Variants in CFAP58 observed in about 807,000 individuals in gnomAD.
CFAP58 encodes the protein cilia- and flagella-associated protein 58.
A neutral mutation model predicts 119.5 loss-of-function variants in CFAP58; 88 were observed. The ratio of observed to expected loss-of-function variants is 0.74; its 90% CI spans 0.62 to 0.88. CFAP58 has a LOEUF of 0.88. CFAP58 is among the 40% of genes least tolerant of loss of function. The probability of loss-of-function intolerance (pLI) is 0.00; values close to 1 mark genes in which losing one functional copy is unlikely to be tolerated. For synonymous variants in CFAP58, 365 were observed against 366.3 expected, an observed-to-expected ratio of 1.00 and a Z score of 0.04; for missense variants, 990 against 1,021.2, an observed-to-expected ratio of 0.97 and a Z score of 0.42.
intron 11 of CFAP58, among the ~76,000 whole-genome samples, chr10:104,394,965 T>C (rs900691533): frequency 2.0e-5 from 3 of 152,208 alleles, no homozygotes; most frequent in Non-Finnish European, 2.9e-5. Flanking sequence ...CAAGGCTCAA[T>C]GTAATCCATT....
At chr10:104,425,704 G>A (rs2012733383) in intron 15 of CFAP58, among the ~76,000 whole-genome samples, 2 of 152,210 alleles carry the variant, frequency 1.3e-5, no homozygotes, top group Admixed American at 1.3e-4. Flanking sequence ...AGTCTGTGGT[G>A]AGAAGTGACT....
At chr10:104,416,147 G>A (rs192828100) in intron 15 of CFAP58, among the ~76,000 whole-genome samples, 25 of 152,300 alleles carry the variant, frequency 1.6e-4, no homozygotes, top group Non-Finnish European at 3.1e-4. Flanking sequence ...GAATACTGAG[G>A]CATTTTCCCT....
rs199871598 is a variant in CFAP58 at position 104,453,766 on chromosome 10, G to A, written c.2511-656G>A. ...CTGCAGGAAACATGAATATGAGTGTGTGTGTGTGTGTGTGTGTGTGTGTGT... is the reference window on the plus strand; with the variant it reads ...CTGCAGGAAACATGAATATGAGTGTATGTGTGTGTGTGTGTGTGTGTGTGT... On this transcript the variant is annotated intron_variant, in intron 17 of 17. Coordinates refer to ENST00000369704, the MANE Select transcript of CFAP58 (RefSeq NM_001008723.2). Among the ~76,000 whole-genome samples the A allele has an allele frequency of 2.5e-3, 335 of 135,758 alleles. 8 individuals carry two copies. In the East Asian group the frequency reaches 0.061, roughly 25 times the overall value. The allele number at this position is 135,758 out of a possible 152,430, so 89.1% of individuals were successfully genotyped here. A position where few individuals can be genotyped will look rare whatever the true frequency, so the allele number is the denominator to read the frequency against.
intron 14 of CFAP58, 147 bp from the exon 15 acceptor site, chr10:104,406,542 T>A: frequency 1.7e-6 from 1 of 602,312 alleles, no homozygotes; most frequent in Non-Finnish European, 2.9e-6. Context: ...TCTCATCTAT[T>A]ATACTTTATT....
At chr10:104,378,929 A>G (rs2011724637) in intron 8 of CFAP58, among the ~76,000 whole-genome samples, 2 of 149,352 alleles carry the variant, frequency 1.3e-5, no homozygotes, top group South Asian at 4.2e-4. Context: ...AAAAAAAAAA[A>G]GTAGGTGCCT....
At chr10:104,452,554 G>A (rs1193245115) in intron 17 of CFAP58, among the ~76,000 whole-genome samples, 1 of 152,238 alleles carries the variant, frequency 6.6e-6, no homozygotes, top group Non-Finnish European at 1.5e-5. Context: ...TGGACACAGA[G>A]AGCATGAGCT....
chr10:104,376,556 A>G (rs1261658084), intron 7 of CFAP58, among the ~76,000 whole-genome samples: 1 of 151,968 alleles, frequency 6.6e-6, no homozygotes, highest in East Asian at 1.9e-4. Context: ...GCGTTGGAGA[A>G]ATCTTAGCCC....
chr10:104,414,751 G>C (rs191063014), intron 15 of CFAP58, among the ~76,000 whole-genome samples: 1 of 152,056 alleles, frequency 6.6e-6, no homozygotes, highest in African/African-American at 2.4e-5. Flanking sequence ...CTCACTGCAA[G>C]CTCCGCCTCC....
intron 9 of CFAP58, among the ~76,000 whole-genome samples, chr10:104,384,572 A>C (rs921075951): frequency 1.3e-5 from 2 of 152,254 alleles, no homozygotes; most frequent in Non-Finnish European, 2.9e-5. Flanking sequence ...TATGGCAAGA[A>C]CTTTAGGTTG....
Position 104,380,151 on chromosome 10 carries a change from A to G in CFAP58, c.1296A>G (p.Arg432=). Residue 432 remains arginine, a synonymous_variant, in exon 9 of 18, where the codon AGA becomes AGG. Transcript: ENST00000369704. ...ACAAGGATGAGGCTCAGAAGCAGAG[A>G]AAGATCATCTTTCATCTGGAAAAGG... ...QNYKDEAQKQ[R]KIIFHLEKER... is the part of the protein sequence containing the mutation. 1 of 1,614,120 alleles carries G rather than the reference A, an allele frequency of 6.2e-7. No individual in the cohort carries two copies. The highest frequency in any genetic ancestry group is 8.5e-7 in the Non-Finnish European group (1 of 1,180,006).
chr10:104,403,853 A>G lies in CFAP58; in HGVS notation c.2151+13A>G. 6.5e-7 allele frequency: 1 copy of G among 1,544,318 alleles called. No homozygotes were observed. Among genetic ancestry groups the G allele is most frequent in the South Asian group, 1.1e-5 (1 of 87,028 alleles). On this transcript the variant is annotated intron_variant, in intron 14 of 17. Transcript: ENST00000369704. ...GAGGAAGCTCGAGGTAACATCTGGC[A>G]GCGTGTTCTCCCCATCCCCAAATCT...
At chr10:104,417,203 GAAC>G (rs1189179751) in intron 15 of CFAP58, among the ~76,000 whole-genome samples, 1 of 152,232 alleles carries the variant, frequency 6.6e-6, no homozygotes, top group Non-Finnish European at 1.5e-5. Context: ...GCCCAGGATG[GAAC>G]CCCACACCTC....
At chr10:104,364,185 C>T (rs539583367) in intron 3 of CFAP58, among the ~76,000 whole-genome samples, 1 of 152,200 alleles carries the variant, frequency 6.6e-6, no homozygotes, top group African/African-American at 2.4e-5. Flanking sequence ...TCTGTTTATG[C>T]TTTATTCTAG....
chr10:104,353,962 C>G, intron 1 of CFAP58, 56 bp downstream of exon 1: 1 of 1,592,122 alleles, frequency 6.3e-7, no homozygotes. Context: ...CATTGTCCCT[C>G]TCCTACTGAC....
At chr10:104,355,072 G>GC (rs1483815439) in intron 1 of CFAP58, among the ~76,000 whole-genome samples, 1 of 151,806 alleles carries the variant, frequency 6.6e-6, no homozygotes, top group Non-Finnish European at 1.5e-5. Context: ...TCTTCCTCAC[G>GC]CCTGGGCTCC....
chr10:104,361,997 T>C (rs1448316522), intron 2 of CFAP58, 26 bp from the exon 3 acceptor site: 1 of 1,603,708 alleles, frequency 6.2e-7, no homozygotes, highest in Non-Finnish European at 8.5e-7. Context: ...TTGGTCTTTC[T>C]CACTGATATC....
chr10:104,384,398 C>G (rs1388124766), intron 9 of CFAP58, among the ~76,000 whole-genome samples: 1 of 152,208 alleles, frequency 6.6e-6, no homozygotes, highest in Non-Finnish European at 1.5e-5. Context: ...AACCCCTTCA[C>G]CTTAGTAGCA....
upstream of CFAP58, among the ~76,000 whole-genome samples, chr10:104,350,747 C>T (rs1027537549): frequency 6.6e-6 from 1 of 152,208 alleles, no homozygotes. Context: ...TTCTGTCTTT[C>T]CCCTAATACA....
intron 10 of CFAP58, 115 bp from the exon 11 acceptor site, chr10:104,393,214 A>C (rs757636003): frequency 3.2e-6 from 3 of 947,268 alleles, no homozygotes; most frequent in Non-Finnish European, 4.8e-6. Context: ...GTAATTGATC[A>C]AGAGACCATT....
Sources: allele counts gnomAD v4.1 joint callset (sites outside exome capture counted in the v4.1 genomes callset), GRCh38; gene constraint gnomAD v4.1.1; transcripts MANE v1.5; gene names NCBI Gene and HGNC (gene_info 2026-07-23, HGNC 2026-07-21).